GALNTL6: variants seen among roughly 807,000 people sequenced by gnomAD.
GALNTL6 encodes the protein polypeptide N-acetylgalactosaminyltransferase-like 6.
A neutral mutation model predicts 73.7 loss-of-function variants in GALNTL6; 46 were observed. The ratio of observed to expected loss-of-function variants is 0.62; its 90% CI spans 0.49 to 0.80. GALNTL6 has a LOEUF of 0.80. GALNTL6 is among the 30% of genes least tolerant of loss of function. The pLI is 0.00. For synonymous variants in GALNTL6, 259 were observed against 263.7 expected (o/e 0.98, Z 0.17); for missense variants, 604 against 755.0 (o/e 0.80, Z 2.34).
At chr4:172,266,830 T>G (rs1007908537) in intron 3 of GALNTL6, among the ~76,000 whole-genome samples, 1 of 152,284 alleles carries the variant, frequency 6.6e-6, no homozygotes, top group South Asian at 2.1e-4. Flanking sequence ...TGGTCTCTCT[T>G]TCTGTGTCTC....
chr4:172,881,241 C>T (rs1745436730), intron 7 of GALNTL6, among the ~76,000 whole-genome samples: 2 of 152,136 alleles, frequency 1.3e-5, no homozygotes, highest in Non-Finnish European at 2.9e-5. Context: ...TGTAATTCCA[C>T]TCTGAAATTC....
At chr4:172,227,169 G>A (rs1433239552) in intron 2 of GALNTL6, among the ~76,000 whole-genome samples, 1 of 152,074 alleles carries the variant, frequency 6.6e-6, no homozygotes, top group Non-Finnish European at 1.5e-5. Flanking sequence ...TGGTTACTGG[G>A]TGTGCACCTA....
At chr4:171,985,740 T>TTATATATATATATA (rs144030359) in intron 2 of GALNTL6, among the ~76,000 whole-genome samples, 3 of 148,060 alleles carry the variant, frequency 2.0e-5, no homozygotes, top group African/African-American at 7.4e-5. Context: ...CTCTATAAAA[T>TTATATATATATATA]TATATATATA....
intron 9 of GALNTL6, among the ~76,000 whole-genome samples, chr4:172,936,728 A>T (rs1748639243): frequency 6.6e-6 from 1 of 152,214 alleles, no homozygotes; most frequent in Non-Finnish European, 1.5e-5. Flanking sequence ...GACCTCTTCA[A>T]GGAGAACTAA....
chr4:172,627,313 C>T (rs1430463986), intron 5 of GALNTL6, among the ~76,000 whole-genome samples: 2 of 151,972 alleles, frequency 1.3e-5, no homozygotes, highest in African/African-American at 2.4e-5. Context: ...TTGCATTTGT[C>T]GAACCAACCC....
intron 2 of GALNTL6, among the ~76,000 whole-genome samples, chr4:172,145,599 G>C (rs1338774925): frequency 6.6e-6 from 1 of 151,972 alleles, no homozygotes; most frequent in Non-Finnish European, 1.5e-5. Context: ...TTCTTTAAAA[G>C]GTTATCTGTT....
intron 5 of GALNTL6, among the ~76,000 whole-genome samples, chr4:172,758,823 G>A (rs1737902367): frequency 6.6e-6 from 1 of 152,166 alleles, no homozygotes; most frequent in East Asian, 1.9e-4. Context: ...AGCCCTCTGA[G>A]TTATCAGATC....
chr4:172,424,427 T>A (rs1482050565), intron 5 of GALNTL6, among the ~76,000 whole-genome samples: 1 of 152,156 alleles, frequency 6.6e-6, no homozygotes. Flanking sequence ...TTGTGGCATG[T>A]TAATATACAG....
chr4:172,272,526 T>C (rs1290675703), intron 3 of GALNTL6, among the ~76,000 whole-genome samples: 1 of 152,156 alleles, frequency 6.6e-6, no homozygotes. Flanking sequence ...GATATAAACA[T>C]GTCTAAACAC....
chr4:172,561,082 T>G (rs1736338291), intron 5 of GALNTL6, among the ~76,000 whole-genome samples: 1 of 150,676 alleles, frequency 6.6e-6, no homozygotes, highest in South Asian at 2.1e-4. Flanking sequence ...TGAAACCCCA[T>G]CTCTACTAAA....
intron 2 of GALNTL6, among the ~76,000 whole-genome samples, chr4:172,182,616 G>C (rs1485165651): frequency 6.7e-6 from 1 of 149,052 alleles, no homozygotes; most frequent in African/African-American, 2.5e-5. Flanking sequence ...CCACTCCCCT[G>C]AGGGAATATC....
intron 5 of GALNTL6, among the ~76,000 whole-genome samples, chr4:172,399,455 A>G (rs537868825): frequency 4.3e-4 from 65 of 151,642 alleles, no homozygotes; most frequent in South Asian, 2.1e-3. Context: ...TTTCTGAATT[A>G]TCAAGAATTT....
intron 2 of GALNTL6, among the ~76,000 whole-genome samples, chr4:172,194,519 A>G (rs72700998): frequency 0.022 from 3,400 of 152,190 alleles, 45 homozygotes; most frequent in Non-Finnish European, 0.032. Flanking sequence ...GAAATGAAGG[A>G]AAAAAAATGT....
intron 3 of GALNTL6, among the ~76,000 whole-genome samples, chr4:172,291,905 T>C (rs1739490160): frequency 6.6e-6 from 1 of 152,172 alleles, no homozygotes; most frequent in South Asian, 2.1e-4. Context: ...ATTTAAAAGA[T>C]AATTATATTA....
rs190330875 is a variant in GALNTL6, at chr4:172,861,075, T to C, written c.924-21715T>C. The stretch of plus-strand genomic sequence containing the variant: ...TTACAGAAGAGAAACTTGGATGCTA[T>C]TTTCTTTTGTCTTGTAAAAATGAAG... On this transcript the variant is annotated intron_variant, in intron 7 of 12. Coordinates refer to ENST00000506823, the MANE Select transcript of GALNTL6 (RefSeq NM_001034845.3). 4.1e-4 allele frequency among the ~76,000 whole-genome samples: 63 copies of C among 152,278 alleles called. No homozygotes were observed. In the East Asian group the frequency reaches 9.8e-3, roughly 24 times the overall value.
chr4:172,694,050 C>T (rs148252885), intron 5 of GALNTL6, among the ~76,000 whole-genome samples: 7 of 151,972 alleles, frequency 4.6e-5, no homozygotes, highest in South Asian at 2.1e-4. Flanking sequence ...AATTAGCCTG[C>T]GTACTGAGGG....
intron 2 of GALNTL6, among the ~76,000 whole-genome samples, chr4:171,879,547 A>T (rs1578935290): frequency 6.6e-6 from 1 of 152,182 alleles, no homozygotes; most frequent in Non-Finnish European, 1.5e-5. Flanking sequence ...TCAAGTTATT[A>T]TTTTAGTACA....
intron 10 of GALNTL6, among the ~76,000 whole-genome samples, chr4:172,992,244 G>A (rs920546363): frequency 2.0e-4 from 30 of 152,158 alleles, no homozygotes; most frequent in African/African-American, 7.2e-4. Context: ...ATGTCCTCAG[G>A]CCTTACTTAC....
chr4:171,871,264 A>T (rs1424284028), intron 2 of GALNTL6, among the ~76,000 whole-genome samples: 1 of 140,760 alleles, frequency 7.1e-6, no homozygotes, highest in Non-Finnish European at 1.5e-5. Flanking sequence ...AGTTCAATGT[A>T]TTAAAAAATT....
Sources: allele counts gnomAD v4.1 joint callset (sites outside exome capture counted in the v4.1 genomes callset), GRCh38; gene constraint gnomAD v4.1.1; transcripts MANE v1.5; gene names NCBI Gene and HGNC (gene_info 2026-07-23, HGNC 2026-07-21).